PRKN: variants seen among roughly 807,000 people sequenced by gnomAD.
PRKN encodes the protein E3 ubiquitin-protein ligase parkin.
A neutral mutation model predicts 59.5 loss-of-function variants in PRKN; 56 were observed. The ratio of observed to expected loss-of-function variants is 0.94; its 90% CI spans 0.76 to 1.18. The LOEUF is 1.18. Ranked by LOEUF, PRKN falls within the 50% of genes most tolerant of loss-of-function variation. The pLI, the probability that PRKN is intolerant of heterozygous loss-of-function variation, is 0.00. For missense variants in PRKN, 657 were observed against 596.4 expected, an observed-to-expected ratio of 1.10 and a Z score of -1.06; for synonymous variants, 250 against 222.1, an observed-to-expected ratio of 1.13 and a Z score of -1.12.
intron 7 of PRKN, among the ~76,000 whole-genome samples, chr6:161,637,597 C>T (rs1309431376): frequency 6.6e-6 from 1 of 152,152 alleles, no homozygotes; most frequent in Non-Finnish European, 1.5e-5. Flanking sequence ...GCCTTTTCTC[C>T]TCTGCGTTCC....
chr6:162,493,077 T>G, intron 1 of PRKN, among the ~76,000 whole-genome samples: 1 of 152,146 alleles, frequency 6.6e-6, no homozygotes, highest in East Asian at 1.9e-4. Context: ...TAATCTCTTC[T>G]TCCAGAGTTT....
chr6:162,354,683 T>C (rs1784770458), intron 2 of PRKN, among the ~76,000 whole-genome samples: 1 of 152,036 alleles, frequency 6.6e-6, no homozygotes, highest in Non-Finnish European at 1.5e-5. Context: ...CAGATATATA[T>C]ATTTTCAGTT....
At chr6:161,917,408 T>C (rs1357212800) in intron 6 of PRKN, among the ~76,000 whole-genome samples, 2 of 151,844 alleles carry the variant, frequency 1.3e-5, no homozygotes, top group East Asian at 3.9e-4. Context: ...ACCCGGCCGA[T>C]TTTTTCATTT....
At chr6:161,802,420 CCCA>C (rs1562695162) in intron 6 of PRKN, among the ~76,000 whole-genome samples, 3 of 151,608 alleles carry the variant, frequency 2.0e-5, no homozygotes, top group Admixed American at 2.0e-4. Context: ...CCACACAAGC[CCCA>C]CATGACCCAC....
chr6:162,392,445 C>A (rs998702208), intron 2 of PRKN, among the ~76,000 whole-genome samples: 1 of 152,150 alleles, frequency 6.6e-6, no homozygotes, highest in Non-Finnish European at 1.5e-5. Context: ...CTCTCACTTG[C>A]CTTCCTTTGA....
chr6:161,524,552 G>A (rs1368634832), intron 9 of PRKN, among the ~76,000 whole-genome samples: 1 of 152,026 alleles, frequency 6.6e-6, no homozygotes, highest in African/African-American at 2.4e-5. Flanking sequence ...GCCTCACTAT[G>A]CTGCCCAGGC....
At chr6:161,598,732 C>A (rs146709881) in intron 7 of PRKN, among the ~76,000 whole-genome samples, 1 of 152,224 alleles carries the variant, frequency 6.6e-6, no homozygotes, top group East Asian at 1.9e-4. Flanking sequence ...GTATGTACAG[C>A]AGATAGATTA....
chr6:161,989,029 G>A (rs1333019375), intron 5 of PRKN, among the ~76,000 whole-genome samples: 2 of 152,110 alleles, frequency 1.3e-5, no homozygotes, highest in African/African-American at 4.8e-5. Context: ...ATGTTGGTGT[G>A]CTGCACCCAT....
At chr6:161,788,969 A>C (rs1225268165) in intron 6 of PRKN, among the ~76,000 whole-genome samples, 2 of 152,196 alleles carry the variant, frequency 1.3e-5, no homozygotes, top group Non-Finnish European at 2.9e-5. Flanking sequence ...GATATAGAAA[A>C]GTATATATGC....
chr6:161,971,976 T>TA (rs1001712748), intron 6 of PRKN, among the ~76,000 whole-genome samples: 3 of 152,156 alleles, frequency 2.0e-5, no homozygotes, highest in African/African-American at 7.2e-5. Flanking sequence ...GGCATTTCAT[T>TA]AAAAAGTTCT....
At chr6:161,433,369 T>C (rs1788737403) in intron 9 of PRKN, among the ~76,000 whole-genome samples, 1 of 150,312 alleles carries the variant, frequency 6.7e-6, no homozygotes, top group Non-Finnish European at 1.5e-5. Flanking sequence ...TGTATTTTTG[T>C]TGTTTGGATT....
intron 1 of PRKN, among the ~76,000 whole-genome samples, chr6:162,515,533 T>C (rs1211350536): frequency 1.3e-5 from 2 of 152,146 alleles, no homozygotes; most frequent in Non-Finnish European, 2.9e-5. Context: ...TAAGTATTGG[T>C]AGATGTAAGT....
intron 4 of PRKN, among the ~76,000 whole-genome samples, chr6:162,162,088 A>G (rs926916394): frequency 3.9e-5 from 6 of 152,112 alleles, no homozygotes; most frequent in Non-Finnish European, 7.3e-5. Flanking sequence ...CATTTTATTT[A>G]TTTATTCATT....
In PRKN at chr6:161,547,405, TA is replaced by T. The variant is rs1393200907; in HGVS notation, c.1083+1448del. On this transcript the variant is annotated intron_variant, in intron 9 of 11. Coordinates refer to ENST00000366898, the MANE Select transcript of PRKN (RefSeq NM_004562.3). This position sits in a 1 kb window ranked among gnomAD's most constrained non-coding sequence, Gnocchi z 4.0. ...GTTATTTACTTATAATTTACTTGTA[TA>T]AAAAAGGGAAGATAAAGATATTCAA... 6.6e-6 allele frequency among the ~76,000 whole-genome samples: 1 copy of T among 152,166 alleles called. No homozygotes were observed. Among genetic ancestry groups the T allele is most frequent in the Non-Finnish European group, 1.5e-5 (1 of 68,028 alleles).
chr6:162,558,761 C>T (rs943490738), intron 1 of PRKN, among the ~76,000 whole-genome samples: 2 of 152,026 alleles, frequency 1.3e-5, no homozygotes, highest in Admixed American at 6.6e-5. Flanking sequence ...GCCTCAGCCT[C>T]CTCTGTACCT....
At chr6:162,702,126 A>G (rs1584078778) in intron 1 of PRKN, among the ~76,000 whole-genome samples, 1 of 152,288 alleles carries the variant, frequency 6.6e-6, no homozygotes, top group African/African-American at 2.4e-5. Context: ...AGATTAAATT[A>G]GGAGAAATAA....
chr6:161,868,186 C>T (rs960027461), intron 6 of PRKN, among the ~76,000 whole-genome samples: 1 of 152,236 alleles, frequency 6.6e-6, no homozygotes, highest in African/African-American at 2.4e-5. Context: ...TATCTTCTCC[C>T]GTGTATAACT....
intron 6 of PRKN, among the ~76,000 whole-genome samples, chr6:161,832,942 T>C (rs919469244): frequency 6.6e-6 from 1 of 151,894 alleles, no homozygotes; most frequent in Non-Finnish European, 1.5e-5. Context: ...TGGGAGGTGA[T>C]AGTGAGTGTC....
At chr6:161,812,723 G>A (rs1791613139) in intron 6 of PRKN, among the ~76,000 whole-genome samples, 1 of 152,110 alleles carries the variant, frequency 6.6e-6, no homozygotes, top group South Asian at 2.1e-4. Flanking sequence ...AAATTAAAAA[G>A]ACTGACAATA....
Sources: gnomAD v4.1 joint callset for allele counts (sites outside exome capture counted in the v4.1 genomes callset) on GRCh38, gnomAD v4.1.1 for gene constraint, Gnocchi (gnomAD v3.1) non-coding constraint, MANE v1.5 for transcripts, NCBI Gene and HGNC (gene_info 2026-07-23, HGNC 2026-07-21) for gene names.